The following SNRPN variants were observed in gnomAD, a reference collection of about 807,000 sequenced individuals.
SNRPN encodes small nuclear ribonucleoprotein-associated protein N.
In SNRPN, 7 loss-of-function variants were observed where a neutral mutation model predicts 25.2. The observed-to-expected ratio is 0.28, with a 90% confidence interval of 0.16 to 0.52. The LOEUF (loss-of-function observed/expected upper bound fraction) is 0.52, where lower values mean the gene tolerates loss of function less well. Among genes scored for constraint, SNRPN ranks in the 20% least tolerant of loss-of-function variants. The pLI is 0.96. For missense variants in SNRPN, 196 were observed against 322.5 expected (o/e 0.61, Z 3.00); for synonymous variants, 124 against 110.6 (o/e 1.12, Z -0.76).
intron 2 of SNRPN, among the ~76,000 whole-genome samples, chr15:24,895,067 AG>A (rs1247973686): frequency 6.6e-6 from 1 of 152,200 alleles, no homozygotes; most frequent in Non-Finnish European, 1.5e-5. Context: ...TGGGACCAAA[AG>A]GTGTCAGCTA....
At position 24,918,494 on chromosome 15, in the gene SNRPN, G is replaced by A. The variant is rs191747868; in HGVS notation, c.-504-1517G>A. Among the ~76,000 whole-genome samples the A allele has an allele frequency of 3.0e-3, 383 of 125,744 alleles. 1 individual carries two copies. Among genetic ancestry groups the A allele is most frequent in the African/African-American group, 0.011 (361 of 34,152 alleles). 82.5% of individuals were successfully genotyped at this position (125,744 alleles called of 152,430 possible). A position where few individuals can be genotyped will look rare whatever the true frequency, so the allele number is the denominator to read the frequency against. ...TGTATATATATAACATAATATATAT[G>A]TGTGTATATATAACATAATATATAT... is the stretch of plus-strand genomic sequence containing the variant. On this transcript the variant is annotated intron_variant, in intron 2 of 11. Transcript: ENST00000400097.
At chr15:24,965,740 A>T (rs1596265261) in intron 2 of SNRPN, among the ~76,000 whole-genome samples, 1 of 152,044 alleles carries the variant, frequency 6.6e-6, no homozygotes, top group Non-Finnish European at 1.5e-5. Context: ...AATATTCTGC[A>T]CTCTATGAAT....
At position 24,978,652 on chromosome 15, in the gene SNRPN, A is replaced by G. The variant is rs1596357124; in HGVS notation, c.*208A>G. Reference sequence around the variant, plus strand: ...TCTTAAGTTACTGTGGATGAGGGTGATGCCTATTAAGCAGTTGATTCAAAT... The same window carrying G: ...TCTTAAGTTACTGTGGATGAGGGTGGTGCCTATTAAGCAGTTGATTCAAAT... On this transcript the variant is annotated 3_prime_UTR_variant, in exon 10 of 10. Transcript: ENST00000390687. The G allele has an allele frequency of 1.6e-6, 1 of 607,198 alleles. No individual in the cohort carries two copies. Among genetic ancestry groups the G allele is most frequent in the South Asian group, 2.0e-5 (1 of 49,110 alleles). The allele number at this position is 607,198 out of a possible 1,614,324, so 37.6% of individuals were successfully genotyped here. A position where few individuals can be genotyped will look rare whatever the true frequency, so the allele number is the denominator to read the frequency against.
intron 1 of SNRPN, among the ~76,000 whole-genome samples, chr15:24,876,613 T>C (rs1470438787): frequency 1.7e-5 from 2 of 120,592 alleles, no homozygotes; most frequent in African/African-American, 3.4e-5. Context: ...CGAGACTCCA[T>C]CTCAAAAAAA....
At chr15:24,907,582 A>T (rs1302347189) in intron 2 of SNRPN, among the ~76,000 whole-genome samples, 1 of 152,082 alleles carries the variant, frequency 6.6e-6, no homozygotes, top group East Asian at 1.9e-4. Flanking sequence ...TGGGTGACAG[A>T]GCGAGACTCC....
intron 2 of SNRPN, among the ~76,000 whole-genome samples, chr15:24,897,550 A>C (rs1260672304): frequency 6.6e-6 from 1 of 152,148 alleles, no homozygotes; most frequent in African/African-American, 2.4e-5. Context: ...ACACCACTGC[A>C]CTCCAGAATG....
intron 2 of SNRPN, among the ~76,000 whole-genome samples, chr15:24,892,529 G>A (rs1444742637): frequency 6.6e-6 from 1 of 152,202 alleles, no homozygotes; most frequent in African/African-American, 2.4e-5. Flanking sequence ...TTGAGGTCAG[G>A]AGTTTGAGAC....
At chr15:24,838,726 G>A (rs996094998) in intron 2 of SNRPN, among the ~76,000 whole-genome samples, 2 of 152,034 alleles carry the variant, frequency 1.3e-5, no homozygotes, top group Non-Finnish European at 2.9e-5. Flanking sequence ...TCCAGCAAGG[G>A]AGGACATGTC....
At position 24,977,912 on chromosome 15, in the gene SNRPN, T is replaced by G. The variant is rs1302728297; in HGVS notation, c.555T>G (p.Pro185=). 1.9e-6 allele frequency: 3 copies of G among 1,562,068 alleles called. No homozygotes were observed. The highest frequency in any genetic ancestry group is 2.6e-6 in the Non-Finnish European group (3 of 1,154,738). ...PPPPVGRATP[P]PGIMAPPPGM... ...CACCCGTCGGCAGAGCAACCCCACC[T>G]CCAGGTAAGGGATTGGTGAACACGA... Residue 185 remains proline (P), a synonymous_variant, in exon 8 of 10, where the codon CCT becomes CCG. Transcript: ENST00000390687.
At chr15:24,948,366 C>G (rs1196726447) in intron 3 of SNRPN, among the ~76,000 whole-genome samples, 2 of 152,140 alleles carry the variant, frequency 1.3e-5, no homozygotes, top group Non-Finnish European at 2.9e-5. Context: ...CCCGCCTCGG[C>G]TTCCCAAAGT....
intron 1 of SNRPN, among the ~76,000 whole-genome samples, chr15:24,870,450 A>G (rs926845897): frequency 1.3e-5 from 2 of 152,312 alleles, no homozygotes; most frequent in African/African-American, 2.4e-5. Flanking sequence ...CCAGCACTAC[A>G]TGAATATAAT....
At chr15:24,899,309 C>A (rs1382535177) in intron 2 of SNRPN, among the ~76,000 whole-genome samples, 1 of 152,170 alleles carries the variant, frequency 6.6e-6, no homozygotes, top group Non-Finnish European at 1.5e-5. Flanking sequence ...ATTAAAAGAA[C>A]TGTATGCCAA....
At chr15:24,862,806 A>C (rs1383801230) in intron 1 of SNRPN, among the ~76,000 whole-genome samples, 2 of 150,634 alleles carry the variant, frequency 1.3e-5, no homozygotes, top group Admixed American at 1.3e-4. Context: ...GGGGCAGGGG[A>C]TCCACCAGAC....
chr15:24,967,885 A>C, intron 2 of SNRPN, 47 bp from the exon 3 acceptor site: 1 of 1,518,942 alleles, frequency 6.6e-7, no homozygotes, highest in Non-Finnish European at 9.1e-7. Context: ...TTTCCTATAA[A>C]GACAAATGTA....
chr15:24,932,362 G>A (rs1291455670), intron 3 of SNRPN, among the ~76,000 whole-genome samples: 3 of 151,960 alleles, frequency 2.0e-5, no homozygotes, highest in Admixed American at 2.0e-4. Context: ...AGCCTCCCGA[G>A]GAGCTGGCAT....
At chr15:24,930,677 G>A (rs1253002425) in intron 3 of SNRPN, among the ~76,000 whole-genome samples, 1 of 151,790 alleles carries the variant, frequency 6.6e-6, no homozygotes, top group African/African-American at 2.4e-5. Flanking sequence ...CGGGCCGGGT[G>A]GATCCCGAGG....
chr15:24,874,111 T>C lies in SNRPN; in HGVS notation c.-578-12405T>C, dbSNP rs771986761. ...AGATCACGAGGTCAGGAAATCGAGA[T>C]TATCCTGGCTAACACAGTGAAACCT... is the stretch of plus-strand genomic sequence containing the variant. On this transcript the variant is annotated intron_variant, in intron 1 of 11. Coordinates refer to the SNRPN transcript ENST00000400097. Among the ~76,000 whole-genome samples, 11 of 151,042 alleles carry C rather than the reference T, an allele frequency of 7.3e-5. No homozygotes were observed. In the East Asian group the frequency reaches 7.9e-4, roughly 11 times the overall value.
chr15:24,852,758 C>T (rs1479033086), upstream of SNRPN, among the ~76,000 whole-genome samples: 1 of 151,904 alleles, frequency 6.6e-6, no homozygotes, highest in Non-Finnish European at 1.5e-5. Context: ...AACGCTGTTT[C>T]TAAAAAAAAT....
At chr15:24,966,124 C>T (rs545300600) in intron 2 of SNRPN, among the ~76,000 whole-genome samples, 29 of 152,230 alleles carry the variant, frequency 1.9e-4, no homozygotes, top group Admixed American at 4.6e-4. Context: ...GAACATTCCC[C>T]TCAATGCAGA....
Sources: gnomAD v4.1 joint callset for allele counts (sites outside exome capture counted in the v4.1 genomes callset) on GRCh38, gnomAD v4.1.1 for gene constraint, MANE v1.5 for transcripts, NCBI Gene and HGNC (gene_info 2026-07-23, HGNC 2026-07-21) for gene names.